Variants in NEDD4 observed in about 807,000 individuals in gnomAD.
NEDD4 encodes the protein E3 ubiquitin-protein ligase NEDD4.
A neutral mutation model predicts 144.9 loss-of-function variants in NEDD4; 99 were observed. The observed-to-expected ratio is 0.68, with a 90% CI of 0.58 to 0.81. The LOEUF (loss-of-function observed/expected upper bound fraction) is 0.81. NEDD4 is among the 30% of genes least tolerant of loss of function. NEDD4 has a pLI of 0.00. For synonymous variants in NEDD4, 318 were observed against 350.6 expected (o/e 0.91, Z 1.04); for missense variants, 985 against 1,065.9 (o/e 0.92, Z 1.06).
At chr15:55,926,781 C>G (rs1464576223) in intron 4 of NEDD4, among the ~76,000 whole-genome samples, 4 of 151,708 alleles carry the variant, frequency 2.6e-5, no homozygotes, top group Non-Finnish European at 5.9e-5. Context: ...CTCCACCACA[C>G]CCCCCAAAAA....
intron 5 of NEDD4, chr15:55,916,125 A>G (rs1173207258): frequency 6.2e-7 from 1 of 1,613,892 alleles, no homozygotes; most frequent in Non-Finnish European, 8.5e-7. Flanking sequence ...ATCCTGGACA[A>G]AAGGATCTGT....
At chr15:55,850,360 A>G (rs1166533190) in intron 14 of NEDD4, among the ~76,000 whole-genome samples, 182 bp downstream of exon 14, 4 of 152,224 alleles carry the variant, frequency 2.6e-5, no homozygotes, top group African/African-American at 9.6e-5. Flanking sequence ...ATCCAAAACA[A>G]TATTAAAAAG....
At chr15:55,859,796 A>G (rs1566915334) in intron 11 of NEDD4, among the ~76,000 whole-genome samples, 3 of 152,210 alleles carry the variant, frequency 2.0e-5, no homozygotes, top group African/African-American at 7.2e-5. Context: ...CTCATAGGTA[A>G]GATCAAGACA....
At chr15:55,939,171 C>T (rs1317968201) in intron 4 of NEDD4, among the ~76,000 whole-genome samples, 1 of 152,076 alleles carries the variant, frequency 6.6e-6, no homozygotes, top group Non-Finnish European at 1.5e-5. Flanking sequence ...GCTCTGTTGC[C>T]CACCCAAATC....
At chr15:55,931,445 G>A (rs1347936267) in intron 4 of NEDD4, among the ~76,000 whole-genome samples, 1 of 151,882 alleles carries the variant, frequency 6.6e-6, no homozygotes, top group African/African-American at 2.4e-5. Context: ...ATTTATTGAA[G>A]ATAGAAGTAA....
intron 4 of NEDD4, among the ~76,000 whole-genome samples, chr15:55,933,449 T>A (rs1459954326): frequency 6.7e-6 from 1 of 148,276 alleles, no homozygotes; most frequent in African/African-American, 2.5e-5. Context: ...AAACACCGCA[T>A]GTTCTCACTC....
intron 5 of NEDD4, among the ~76,000 whole-genome samples, chr15:55,889,807 T>A (rs1390670884): frequency 6.6e-6 from 1 of 152,088 alleles, no homozygotes; most frequent in Non-Finnish European, 1.5e-5. Flanking sequence ...TTCAAGCAAT[T>A]CTTGTGCCTC....
chr15:55,915,105 T>C (rs2036394171), intron 5 of NEDD4, among the ~76,000 whole-genome samples: 1 of 151,980 alleles, frequency 6.6e-6, no homozygotes, highest in African/African-American at 2.4e-5. Flanking sequence ...ACAAATAGAG[T>C]AAAAAACTAT....
At chr15:55,892,917 A>C (rs917215134) in intron 5 of NEDD4, among the ~76,000 whole-genome samples, 1 of 152,184 alleles carries the variant, frequency 6.6e-6, no homozygotes, top group Admixed American at 6.5e-5. Flanking sequence ...TTGTCAATCT[A>C]AATTCAGACT....
chr15:55,986,612 C>T (rs556151407), intron 1 of NEDD4, among the ~76,000 whole-genome samples: 26 of 104,602 alleles, frequency 2.5e-4, no homozygotes, highest in East Asian at 6.2e-4. Flanking sequence ...TTTTGTGAGA[C>T]GGAGTCTCGC....
intron 21 of NEDD4, 59 bp downstream of exon 21, chr15:55,840,388 A>G: frequency 6.9e-7 from 1 of 1,449,390 alleles, no homozygotes; most frequent in Non-Finnish European, 9.4e-7. Flanking sequence ...AATTCTTCAA[A>G]ATGTTCAAGC....
chr15:55,951,104 T>A (rs1271524002), intron 4 of NEDD4, among the ~76,000 whole-genome samples: 50 of 152,232 alleles, frequency 3.3e-4, no homozygotes, highest in Non-Finnish European at 4.4e-5. Context: ...ATCATCTTTA[T>A]GAGAAAACAC....
rs369299652 is a variant in NEDD4 at position 55,849,647 on chromosome 15, G to C, written c.1348-761C>G. ...AAGGCCAATTCAGAATGTTAAAAAA[G>C]AGAACAAAATTAAATTTATTTGGTT... On this transcript the variant is annotated intron_variant, in intron 14 of 28. Coordinates refer to ENST00000435532, the MANE Select transcript of NEDD4 (RefSeq NM_006154.4). Among the ~76,000 whole-genome samples, 47 of 151,670 alleles carry C rather than the reference G, an allele frequency of 3.1e-4. No individual in the cohort carries two copies. The East Asian group carries it at 6.6e-3, about 21-fold the overall frequency.
chr15:55,873,623 C>T (rs995253097), intron 6 of NEDD4, among the ~76,000 whole-genome samples: 10 of 152,078 alleles, frequency 6.6e-5, no homozygotes, highest in South Asian at 2.1e-4. Context: ...TTTCCATTGT[C>T]GTAAACTATC....
intron 1 of NEDD4, among the ~76,000 whole-genome samples, chr15:55,985,229 T>C (rs916197829): frequency 8.5e-5 from 13 of 152,276 alleles, no homozygotes; most frequent in African/African-American, 3.1e-4. Flanking sequence ...AAATTATAGT[T>C]CCTTCTCCTT....
In NEDD4 at chr15:55,988,330, C is replaced by T. The variant is rs1293720666; in HGVS notation, c.45+5181G>A. Among the ~76,000 whole-genome samples, 9 of 67,512 alleles carry T rather than the reference C, an allele frequency of 1.3e-4. No homozygotes were observed. The South Asian group carries it at 1.6e-3, about 12-fold the overall frequency. 44.3% of individuals were successfully genotyped at this position (67,512 alleles called of 152,430 possible). On this transcript the variant is annotated intron_variant, in intron 1 of 28. Coordinates refer to ENST00000435532, the MANE Select transcript of NEDD4 (RefSeq NM_006154.4). ...CACACTCTGGGGACTGTGGTGGGGT[C>T]GGGGGAGGGGGGAGGGATAGCATTG...
chr15:55,896,908 T>A (rs1396405979), intron 5 of NEDD4, among the ~76,000 whole-genome samples: 4 of 151,838 alleles, frequency 2.6e-5, no homozygotes, highest in Middle Eastern at 3.4e-3. Context: ...TTATTAAACA[T>A]GATAATTTAT....
At chr15:55,874,288 C>T (rs988219101) in intron 5 of NEDD4, among the ~76,000 whole-genome samples, 6 of 152,020 alleles carry the variant, frequency 3.9e-5, no homozygotes, top group African/African-American at 1.4e-4. Flanking sequence ...CAAGCAGAAA[C>T]TGGAGGGATG....
intron 7 of NEDD4, among the ~76,000 whole-genome samples, chr15:55,870,707 T>C (rs1344022836): frequency 6.6e-6 from 1 of 152,012 alleles, no homozygotes; most frequent in Non-Finnish European, 1.5e-5. Flanking sequence ...TTAATTTTTG[T>C]ATTTTTTTGT....
Sources: allele counts gnomAD v4.1 joint callset (sites outside exome capture counted in the v4.1 genomes callset), GRCh38; gene constraint gnomAD v4.1.1; transcripts MANE v1.5; gene names NCBI Gene and HGNC (gene_info 2026-07-23, HGNC 2026-07-21).